The following SRSF5 variants were observed in gnomAD, a reference collection of about 807,000 sequenced individuals.
The protein encoded by SRSF5 is serine and arginine rich splicing factor 5.
Under a neutral mutation model 34.0 loss-of-function variants are expected in SRSF5, and 5 were observed. That is an observed-to-expected ratio of 0.15 (90% CI 0.08 to 0.31). The LOEUF (loss-of-function observed/expected upper bound fraction) is 0.31, where lower values mean the gene tolerates loss of function less well. Ranked by LOEUF, SRSF5 falls within the 10% of genes least tolerant of loss-of-function variation. The probability of loss-of-function intolerance (pLI) is 1.00; values close to 1 mark genes in which losing one functional copy is unlikely to be tolerated. For synonymous variants in SRSF5, 164 were observed against 117.7 expected (o/e 1.39, Z -2.55); for missense variants, 223 against 351.4 (o/e 0.63, Z 2.92).
intron 5 of SRSF5, chr14:69,769,906 G>A: frequency 8.8e-7 from 1 of 1,130,918 alleles, no homozygotes; most frequent in Non-Finnish European, 1.1e-6. Flanking sequence ...AGGGAGGGCT[G>A]TGCGATTAAA....
intron 1 of SRSF5, 184 bp from the exon 2 acceptor site, chr14:69,767,954 T>A: frequency 1.7e-6 from 1 of 593,286 alleles, no homozygotes; most frequent in Non-Finnish European, 2.9e-6. Context: ...GCGGACCGTG[T>A]TGGGAGGGAG....
intron 5 of SRSF5, chr14:69,769,552 G>C (rs1882972378): frequency 6.5e-7 from 1 of 1,535,400 alleles, no homozygotes; most frequent in East Asian, 2.4e-5. Flanking sequence ...GTGCCTGTGG[G>C]TTATCCTAAT....
At position 69,771,471 on chromosome 14, in the gene SRSF5, A is replaced by G. The variant is rs763351783; in HGVS notation, c.*10A>G. 6.8e-6 allele frequency: 11 copies of G among 1,607,084 alleles called. No homozygotes were observed. The Admixed American group carries it at 1.2e-4, about 17-fold the overall frequency. On this transcript the variant is annotated 3_prime_UTR_variant, in exon 8 of 8. Coordinates refer to ENST00000557154, the MANE Select transcript of SRSF5 (RefSeq NM_001320214.2). ...TGACAGTGGCAATTAAACTGTAAAT[A>G]ACTTGCCCTGGGGGCCTTTTTTTAA...
intron 4 of SRSF5, 40 bp from the exon 5 acceptor site, chr14:69,769,142 T>A: frequency 6.2e-7 from 1 of 1,610,442 alleles, no homozygotes; most frequent in South Asian, 1.1e-5. Flanking sequence ...AGTGCTGTCA[T>A]TGCATTTCTT....
At chr14:69,770,298 C>T (rs1594753181) in intron 5 of SRSF5, 169 bp from the exon 6 acceptor site, 3 of 1,408,740 alleles carry the variant, frequency 2.1e-6, no homozygotes, top group South Asian at 3.2e-5. Flanking sequence ...TTATTCCGTG[C>T]CCTGACATAG....
At chr14:69,770,302 G>A (rs1883045660) in intron 5 of SRSF5, 165 bp from the exon 6 acceptor site, 10 of 1,415,818 alleles carry the variant, frequency 7.1e-6, no homozygotes, top group Non-Finnish European at 9.2e-6. Context: ...TCCGTGCCCT[G>A]ACATAGATAA....
At chr14:69,770,156 C>T (rs766186421) in intron 5 of SRSF5, 145 of 1,073,894 alleles carry the variant, frequency 1.4e-4, no homozygotes, top group Admixed American at 1.5e-4. Flanking sequence ...AAAATATGTA[C>T]TGTTTCCTTT....
At chr14:69,767,338 C>A (rs907129468) in intron 1 of SRSF5, 83 bp downstream of exon 1, 15 of 455,604 alleles carry the variant, frequency 3.3e-5, no homozygotes, top group Non-Finnish European at 6.6e-5. Context: ...CGGGGCTGCT[C>A]TCTTTGCGGA....
chr14:69,769,825 T>A (rs774112798), intron 5 of SRSF5: 3 of 1,315,388 alleles, frequency 2.3e-6, no homozygotes, highest in Non-Finnish European at 2.9e-6. Flanking sequence ...GTTGGAATCC[T>A]GATCGCAGTA....
At chr14:69,770,184 TG>T (rs747989733) in intron 5 of SRSF5, 7 of 1,113,002 alleles carry the variant, frequency 6.3e-6, no homozygotes, top group South Asian at 3.7e-5. Context: ...TTTTTTTGTT[TG>T]TTTTTTTTTC....
chr14:69,768,908 G>T lies in SRSF5; in HGVS notation c.296+12G>T. The T allele has an allele frequency of 6.2e-7, 1 of 1,611,324 alleles. No homozygotes were observed. The highest frequency in any genetic ancestry group is 8.5e-7 in the Non-Finnish European group (1 of 1,177,430). On this transcript the variant is annotated intron_variant, in intron 4 of 7. Coordinates refer to ENST00000557154, the MANE Select transcript of SRSF5 (RefSeq NM_001320214.2). ...CGAAATGATAGACGGTATGTGAAGG[G>T]TGGATGGCTGCATTGAACAATTATT...
At chr14:69,770,156 CTG>C (rs1228769369) in intron 5 of SRSF5, 1 of 1,073,894 alleles carries the variant, frequency 9.3e-7, no homozygotes, top group African/African-American at 1.7e-5. Context: ...AAAATATGTA[CTG>C]TTTCCTTTTT....
chr14:69,768,873 T>C lies in SRSF5; in HGVS notation c.273T>C (p.Ser91=), dbSNP rs780197756. ...GRGRYSDRFS[S]RRPRNDRRNA... is the part of the protein sequence containing the mutation. The stretch of plus-strand genomic sequence containing the variant: ...GACGATACTCTGACCGTTTTAGTAG[T>C]CGCAGACCTCGAAATGATAGACGGT... The change falls in exon 4 of 8, where the codon AGT becomes AGC. Residue 91 remains serine, a synonymous_variant. Coordinates refer to ENST00000557154, the MANE Select transcript of SRSF5 (RefSeq NM_001320214.2). The C allele has an allele frequency of 7.4e-6, 12 of 1,614,208 alleles. No individual in the cohort carries two copies. The highest frequency in any genetic ancestry group is 9.3e-6 in the Non-Finnish European group (11 of 1,180,028).
At chr14:69,769,991 C>T (rs1594752543) in intron 5 of SRSF5, 1 of 1,036,602 alleles carries the variant, frequency 9.6e-7, no homozygotes, top group Middle Eastern at 4.8e-4. Context: ...GAAGGTTTCT[C>T]CGACCGATTA....
intron 5 of SRSF5, 153 bp from the exon 6 acceptor site, chr14:69,770,314 T>A: frequency 7.0e-7 from 1 of 1,420,704 alleles, no homozygotes; most frequent in Non-Finnish European, 9.2e-7. Context: ...CATAGATAAT[T>A]TTTGAATTCT....
At chr14:69,770,170 GTTGTTTTTTTGT>G in intron 5 of SRSF5, 25 of 1,094,568 alleles carry the variant, frequency 2.3e-5, no homozygotes, top group Non-Finnish European at 2.8e-5. Flanking sequence ...TTCCTTTTTT[GTTGTTTTTTTGT>G]TTGTTTTTTT....
rs1253159001 is a variant in SRSF5, at chr14:69,771,218, C to G, written c.576C>G (p.Ser192=). 3.1e-6 allele frequency: 5 copies of G among 1,614,124 alleles called. No homozygotes were observed. Among genetic ancestry groups the G allele is most frequent in the Non-Finnish European group, 3.4e-6 (4 of 1,180,036 alleles). The change falls in exon 8 of 8, where the codon TCC becomes TCG. Residue 192 remains serine, a synonymous_variant. Coordinates refer to ENST00000557154, the MANE Select transcript of SRSF5 (RefSeq NM_001320214.2). ...RHSRSRSRSR[S]RTRSSSRSRS... is the part of the protein sequence containing the mutation. Reference sequence around the variant, plus strand: ...GTAGGTCAAGAAGCAGGTCTCGATCCCGGACCAGAAGTTCCTCTAGGTCTC... The same window carrying G: ...GTAGGTCAAGAAGCAGGTCTCGATCGCGGACCAGAAGTTCCTCTAGGTCTC...
intron 5 of SRSF5, chr14:69,770,125 TC>T: frequency 9.6e-7 from 1 of 1,040,552 alleles, no homozygotes; most frequent in Non-Finnish European, 1.2e-6. Context: ...ATAAAACTTC[TC>T]TACTTTAGTC....
rs1343319096 is a variant in SRSF5 at position 69,769,031 on chromosome 14, T to C, written c.296+135T>C. ...CTATTCCCACGTTAGCCAGTTGTTCTTGATGAATCTATATGAGTCATAGAA... is the reference window on the plus strand; with the variant it reads ...CTATTCCCACGTTAGCCAGTTGTTCCTGATGAATCTATATGAGTCATAGAA... On this transcript the variant is annotated intron_variant, in intron 4 of 7. Coordinates refer to ENST00000557154, the MANE Select transcript of SRSF5 (RefSeq NM_001320214.2). 3.1e-6 allele frequency: 4 copies of C among 1,285,388 alleles called. No individual in the cohort carries two copies. The East Asian group carries it at 7.3e-5, about 23-fold the overall frequency. 79.6% of individuals were successfully genotyped at this position (1,285,388 alleles called of 1,614,324 possible). A position where few individuals can be genotyped will look rare whatever the true frequency, so the allele number is the denominator to read the frequency against.
Sources: allele counts gnomAD v4.1 joint callset, GRCh38; gene constraint gnomAD v4.1.1; transcripts MANE v1.5; gene names NCBI Gene and HGNC (gene_info 2026-07-23, HGNC 2026-07-21).